Variants in GNB2 observed in about 807,000 individuals in gnomAD.
GNB2 encodes G protein subunit beta 2, also known as guanine nucleotide-binding protein G(I)/G(S)/G(T) subunit beta-2.
GNB2 carries 7 observed loss-of-function variants against 40.7 expected under a neutral mutation model. The ratio of observed to expected loss-of-function variants is 0.17; its 90% CI spans 0.10 to 0.32. The LOEUF is 0.32. GNB2 is among the 10% of genes least tolerant of loss of function. The pLI is 1.00. For synonymous variants in GNB2, 254 were observed against 191.2 expected (o/e 1.33, Z -2.71); for missense variants, 286 against 473.0 (o/e 0.60, Z 3.67).
rs1390730501 is a variant in GNB2, at chr7:100,678,869, G to A, written c.*68G>A. 2 of 1,216,874 alleles carry A rather than the reference G, an allele frequency of 1.6e-6. No individual in the cohort carries two copies. The highest frequency in any genetic ancestry group is 2.4e-6 in the Non-Finnish European group (2 of 837,772). 75.4% of individuals were successfully genotyped at this position (1,216,874 alleles called of 1,614,324 possible). ...CATGCCCACACTACAGGCCAGGGCT[G>A]CGGGGCTGGCGCAATCCCAGCCCCC... On this transcript the variant is annotated 3_prime_UTR_variant, in exon 10 of 10. Coordinates refer to ENST00000303210, the MANE Select transcript of GNB2 (RefSeq NM_005273.4).
rs111508429 is a variant in GNB2, at chr7:100,678,926, C to G, written c.*125C>G. Reference sequence around the variant, plus strand: ...GGGCCACGGGGCCTTGGGTCCCTGCCCTCCCACCCAGGTTTGGTTCCTCCC... The same window carrying G: ...GGGCCACGGGGCCTTGGGTCCCTGCGCTCCCACCCAGGTTTGGTTCCTCCC... On this transcript the variant is annotated 3_prime_UTR_variant, in exon 10 of 10. Transcript: ENST00000303210. 5.6e-4 allele frequency: 400 copies of G among 717,564 alleles called. 3 individuals carry two copies. The African/African-American group carries it at 6.6e-3, about 12-fold the overall frequency. 44.4% of individuals were successfully genotyped at this position (717,564 alleles called of 1,614,324 possible). A position where few individuals can be genotyped will look rare whatever the true frequency, so the allele number is the denominator to read the frequency against.
chr7:100,675,766 T>A (rs1804333836), intron 1 of GNB2: 1 of 155,968 alleles, frequency 6.4e-6, no homozygotes, highest in South Asian at 1.8e-4. Context: ...GTGTGCGCCT[T>A]GTGGGGTGAA....
chr7:100,677,609 A>C lies in GNB2; in HGVS notation c.379A>C (p.Lys127Gln). 1 of 1,613,422 alleles carries C rather than the reference A, an allele frequency of 6.2e-7. No homozygotes were observed. The highest frequency in any genetic ancestry group is 8.5e-7 in the Non-Finnish European group (1 of 1,179,998). ...LDNICSIYSLKTREGNVRVSR... is the reference protein window; with the variant it reads ...LDNICSIYSLQTREGNVRVSR... Reference sequence around the variant, plus strand: ...CAACATCTGCTCCATCTACAGCCTCAAGACCCGCGAGGGCAACGTCAGGGT... The same window carrying C: ...CAACATCTGCTCCATCTACAGCCTCCAGACCCGCGAGGGCAACGTCAGGGT... The change falls in exon 6 of 10, where the codon AAG (lysine) becomes CAG (glutamine). Residue 127 changes from lysine (K) to glutamine (Q), a missense_variant. Transcript: ENST00000303210.
chr7:100,674,646 G>GCC (rs1804311066), intron 1 of GNB2, among the ~76,000 whole-genome samples: 1 of 152,202 alleles, frequency 6.6e-6, no homozygotes. Flanking sequence ...ACTCTCCTGA[G>GCC]CCCCGCCAGA....
In GNB2 at chr7:100,678,460, C is replaced by T. The variant is rs140356994; in HGVS notation, c.762C>T (p.Asp254=). ...GSDDATCRLF[D]LRADQELLMY... ...ACGACGCCACGTGCCGCCTCTTCGACCTGCGGGCCGATCAGGAGCTCCTCA... is the reference window on the plus strand; with the variant it reads ...ACGACGCCACGTGCCGCCTCTTCGATCTGCGGGCCGATCAGGAGCTCCTCA... Residue 254 remains aspartate (D), a synonymous_variant, in exon 9 of 10, where the codon GAC becomes GAT. Transcript: ENST00000303210. 7 of 1,613,746 alleles carry T rather than the reference C, an allele frequency of 4.3e-6. No homozygotes were observed. Among genetic ancestry groups the T allele is most frequent in the South Asian group, 2.2e-5 (2 of 91,092 alleles).
At position 100,678,907 on chromosome 7, in the gene GNB2, C is replaced by T; in HGVS notation, c.*106C>T. ...AATCCCAGCCCCCTTCCCCGGGCCA[C>T]GGGGCCTTGGGTCCCTGCCCTCCCA... is the stretch of plus-strand genomic sequence containing the variant. On this transcript the variant is annotated 3_prime_UTR_variant, in exon 10 of 10. Coordinates refer to ENST00000303210, the MANE Select transcript of GNB2 (RefSeq NM_005273.4). 23 of 886,884 alleles carry T rather than the reference C, an allele frequency of 2.6e-5. No homozygotes were observed. Among genetic ancestry groups the T allele is most frequent in the South Asian group, 2.3e-4 (14 of 62,054 alleles). The allele number at this position is 886,884 out of a possible 1,614,324, so 54.9% of individuals were successfully genotyped here. A position where few individuals can be genotyped will look rare whatever the true frequency, so the allele number is the denominator to read the frequency against.
chr7:100,677,632 G>A lies in GNB2; in HGVS notation c.402G>A (p.Arg134=), dbSNP rs1804379907. ...YSLKTREGNV[R]VSRELPGHTG... ...TCAAGACCCGCGAGGGCAACGTCAG[G>A]GTCAGCCGGGAGCTGCCTGGCCACA... Residue 134 remains arginine, a synonymous_variant, in exon 6 of 10, where the codon AGG becomes AGA. Coordinates refer to ENST00000303210, the MANE Select transcript of GNB2 (RefSeq NM_005273.4). 6.2e-7 allele frequency: 1 copy of A among 1,613,470 alleles called. No homozygotes were observed. Among genetic ancestry groups the A allele is most frequent in the Admixed American group, 1.7e-5 (1 of 60,026 alleles).
intron 4 of GNB2, 195 bp from the exon 5 acceptor site, chr7:100,677,156 TC>T (rs1453297089): frequency 1.7e-6 from 1 of 604,122 alleles, no homozygotes; most frequent in African/African-American, 1.9e-5. Context: ...CACCTTGTAG[TC>T]CCAGCTATGC....
chr7:100,678,059 C>T (rs1804396064), intron 7 of GNB2, 39 bp from the exon 8 acceptor site: 4 of 1,516,388 alleles, frequency 2.6e-6, no homozygotes, highest in Non-Finnish European at 3.7e-6. Flanking sequence ...GTTCTTCGCC[C>T]TGTCTCTTAT....
At position 100,676,137 on chromosome 7, in the gene GNB2, C is replaced by T. The variant is rs562835466; in HGVS notation, c.-89-40C>T. On this transcript the variant is annotated intron_variant, in intron 1 of 9. Transcript: ENST00000303210. ...CAACCCCGCCTTTCTCCCCACTTCC[C>T]CGGCGGCCTCGGGCCTGACGTCAGC... 4.1e-4 allele frequency: 236 copies of T among 574,132 alleles called. 1 individual carries two copies. The highest frequency in any genetic ancestry group is 6.4e-4 in the Non-Finnish European group (209 of 328,606). The allele number at this position is 574,132 out of a possible 1,614,324, so 35.6% of individuals were successfully genotyped here.
Position 100,676,742 on chromosome 7 carries a change from G to A in GNB2, c.146G>A (p.Arg49Lys), listed in dbSNP as rs971890319. ...PVGRIQMRTRRTLRGHLAKIY... is the reference protein window; with the variant it reads ...PVGRIQMRTRKTLRGHLAKIY... ...GGGAGAATCCAGATGAGGACCCGGA[G>A]GACCCTCCGTGGGCACCTGGCAAAG... The change falls in exon 4 of 10, where the codon AGG (arginine) becomes AAG (lysine). Residue 49 changes from arginine (R) to lysine (K), a missense_variant. Transcript: ENST00000303210. 9 of 1,608,892 alleles carry A rather than the reference G, an allele frequency of 5.6e-6. No homozygotes were observed. Among genetic ancestry groups the A allele is most frequent in the Non-Finnish European group, 4.2e-6 (5 of 1,177,968 alleles).
intron 4 of GNB2, 186 bp from the exon 5 acceptor site, chr7:100,677,166 G>C: frequency 3.3e-6 from 2 of 609,698 alleles, no homozygotes; most frequent in Admixed American, 2.8e-5. Context: ...TCCCAGCTAT[G>C]CGGGGGAGGC....
rs1562858610 is a variant in GNB2 at position 100,678,249 on chromosome 7, A to G, written c.649A>G (p.Met217Val). 1 of 1,613,910 alleles carries G rather than the reference A, an allele frequency of 6.2e-7. No homozygotes were observed. The highest frequency in any genetic ancestry group is 1.7e-5 in the Admixed American group (1 of 60,026). ...CAAGCTGTGGGACGTGCGGGATTCC[A>G]TGTGCCGACAGACCTTCATCGGCCA... ...SIKLWDVRDSMCRQTFIGHES... is the reference protein window; with the variant it reads ...SIKLWDVRDSVCRQTFIGHES... Residue 217 changes from methionine (M) to valine (V), a missense_variant, in exon 8 of 10, where the codon ATG becomes GTG. Physicochemically the swap from Met to Val is conservative, Grantham distance 21. Coordinates refer to ENST00000303210, the MANE Select transcript of GNB2 (RefSeq NM_005273.4).
chr7:100,678,418 C>T lies in GNB2; in HGVS notation c.720C>T (p.Ala240=), dbSNP rs1804410077. The change falls in exon 9 of 10, where the codon GCC becomes GCT. Residue 240 remains alanine, a synonymous_variant. Transcript: ENST00000303210. ...NAVAFFPNGY[A]FTTGSDDATC... The stretch of plus-strand genomic sequence containing the variant: ...TGCAGTTCTTCCCCAACGGCTACGC[C>T]TTCACCACCGGCTCTGACGACGCCA... 2 of 1,613,598 alleles carry T rather than the reference C, an allele frequency of 1.2e-6. No individual in the cohort carries two copies. Among genetic ancestry groups the T allele is most frequent in the Non-Finnish European group, 1.7e-6 (2 of 1,179,978 alleles).
rs780578994 is a variant in GNB2, at chr7:100,676,316, G to A, written c.51G>A (p.Gln17=). 1 of 1,606,146 alleles carries A rather than the reference G, an allele frequency of 6.2e-7. No individual in the cohort carries two copies. Among genetic ancestry groups the A allele is most frequent in the Non-Finnish European group, 8.5e-7 (1 of 1,176,554 alleles). ...LRQEAEQLRN[Q]IRDARKACGD... ...AGGAGGCCGAGCAGCTCCGGAACCA[G>A]ATCCGGGTGAGGGCCTGGTGCGGGG... The change falls in exon 2 of 10, where the codon CAG becomes CAA. Residue 17 remains glutamine, a synonymous_variant. Transcript: ENST00000303210.
intron 1 of GNB2, chr7:100,675,875 G>C (rs1804335466): frequency 1.5e-5 from 3 of 206,428 alleles, no homozygotes; most frequent in South Asian, 1.1e-4. Flanking sequence ...GGACACCCCC[G>C]CCCCCCCCGC....
rs1584479115 is a variant in GNB2 at position 100,677,376 on chromosome 7, T to C, written c.228T>C (p.Asp76=). ...DSRLLVSASQ[D]GKLIIWDSYT... is the part of the protein sequence containing the mutation. ...GGCTGCTGGTCAGCGCCTCCCAGGA[T>C]GGGAAGCTCATCATCTGGGACAGCT... is the stretch of plus-strand genomic sequence containing the variant. Residue 76 remains aspartate, a synonymous_variant, in exon 5 of 10, where the codon GAT becomes GAC. Coordinates refer to ENST00000303210, the MANE Select transcript of GNB2 (RefSeq NM_005273.4). 6.2e-7 allele frequency: 1 copy of C among 1,613,812 alleles called. No homozygotes were observed. Among genetic ancestry groups the C allele is most frequent in the Admixed American group, 1.7e-5 (1 of 59,998 alleles).
chr7:100,676,422 C>A (rs1320382963), intron 2 of GNB2, 100 bp downstream of exon 2: 1 of 1,271,516 alleles, frequency 7.9e-7, no homozygotes, highest in Non-Finnish European at 1.1e-6. Context: ...GAGGGAGGGC[C>A]CCTTAATGGC....
Position 100,678,488 on chromosome 7 carries a change from T to C in GNB2, c.790T>C (p.Tyr264His). ...GCGGGCCGATCAGGAGCTCCTCATG[T>C]ACTCCCATGACAACATCATCTGTGG... is the stretch of plus-strand genomic sequence containing the variant. ...DLRADQELLM[Y>H]SHDNIICGIT... is the part of the protein sequence containing the mutation. The change falls in exon 9 of 10, where the codon TAC becomes CAC. Residue 264 changes from tyrosine (Y) to histidine (H), a missense_variant. Transcript: ENST00000303210. 6.2e-7 allele frequency: 1 copy of C among 1,613,730 alleles called. No homozygotes were observed. Among genetic ancestry groups the C allele is most frequent in the Non-Finnish European group, 8.5e-7 (1 of 1,179,822 alleles).
Sources: allele counts gnomAD v4.1 joint callset (sites outside exome capture counted in the v4.1 genomes callset), GRCh38; gene constraint gnomAD v4.1.1; transcripts MANE v1.5; gene names NCBI Gene and HGNC (gene_info 2026-07-23, HGNC 2026-07-21).